Variants in ATP8A2 observed in about 807,000 individuals in gnomAD.
ATP8A2 encodes the protein phospholipid-transporting ATPase IB.
A neutral mutation model predicts 165.6 loss-of-function variants in ATP8A2; 100 were observed. That is an observed-to-expected ratio of 0.60 (90% CI 0.51 to 0.71). The LOEUF (loss-of-function observed/expected upper bound fraction) is 0.71, where lower values mean the gene tolerates loss of function less well. ATP8A2 is among the 30% of genes least tolerant of loss of function. The probability of loss-of-function intolerance (pLI) is 0.00; values close to 1 mark genes in which losing one functional copy is unlikely to be tolerated. For synonymous variants in ATP8A2, 543 were observed against 548.8 expected, an observed-to-expected ratio of 0.99 and a Z score of 0.15; for missense variants, 1,227 against 1,479.5, an observed-to-expected ratio of 0.83 and a Z score of 2.80.
At chr13:25,648,497 C>G (rs1009870987) in intron 24 of ATP8A2, among the ~76,000 whole-genome samples, 10 of 152,100 alleles carry the variant, frequency 6.6e-5, no homozygotes, top group Non-Finnish European at 1.5e-4. Context: ...AACCCTGTCT[C>G]TACTAAAAAT....
At chr13:25,730,826 AGCACTTT>A (rs1450739474) in intron 25 of ATP8A2, among the ~76,000 whole-genome samples, 2 of 152,080 alleles carry the variant, frequency 1.3e-5, no homozygotes, top group East Asian at 3.9e-4. Flanking sequence ...CTGTAATCCT[AGCACTTT>A]GGGAGGCCAA....
chr13:25,976,707 A>G (rs1216663335), intron 35 of ATP8A2, among the ~76,000 whole-genome samples: 1 of 152,088 alleles, frequency 6.6e-6, no homozygotes, highest in Non-Finnish European at 1.5e-5. Flanking sequence ...CCCTCCCCCC[A>G]AGAAATGCTG....
At position 26,022,892 on chromosome 13, in the gene ATP8A2, G is replaced by A. The variant is rs1277842846; in HGVS notation, c.*2907G>A. 6.6e-6 allele frequency: 1 copy of A among 152,202 alleles called. No individual in the cohort carries two copies. The highest frequency in any genetic ancestry group is 1.5e-5 in the Non-Finnish European group (1 of 68,066). 9.4% of individuals were successfully genotyped at this position (152,202 alleles called of 1,614,324 possible). The stretch of plus-strand genomic sequence containing the variant: ...GCCTGACTCTGGATTGAGCTAAACT[G>A]GCAGAATCCACTCAGGCCAACCCTT... On this transcript the variant is annotated 3_prime_UTR_variant, in exon 37 of 37. Coordinates refer to ENST00000381655, the MANE Select transcript of ATP8A2 (RefSeq NM_016529.6).
In ATP8A2 at chr13:25,406,142, G is replaced by A. The variant is rs372517977; in HGVS notation, c.76+33854G>A. On this transcript the variant is annotated intron_variant, in intron 1 of 36. Transcript: ENST00000381655. Reference sequence around the variant, plus strand: ...CCCCAAATTCTGAGGAAGCAGAGACGCTGAAGAAAGAGGTTGACATATACA... The same window carrying A: ...CCCCAAATTCTGAGGAAGCAGAGACACTGAAGAAAGAGGTTGACATATACA... 2.6e-4 allele frequency among the ~76,000 whole-genome samples: 39 copies of A among 152,320 alleles called. 3 individuals are homozygous for A. The South Asian group carries it at 5.8e-3, about 23-fold the overall frequency.
At chr13:25,779,628 A>G (rs562411716) in intron 27 of ATP8A2, among the ~76,000 whole-genome samples, 1 of 152,206 alleles carries the variant, frequency 6.6e-6, no homozygotes, top group South Asian at 2.1e-4. Context: ...GTGATTTAGG[A>G]AAATTTGTCT....
intron 28 of ATP8A2, among the ~76,000 whole-genome samples, chr13:25,829,204 C>T (rs1481191432): frequency 6.6e-6 from 1 of 152,154 alleles, no homozygotes; most frequent in Non-Finnish European, 1.5e-5. Flanking sequence ...CAGACACCTC[C>T]AAGGAGGACT....
At chr13:25,731,478 G>A (rs188972036) in intron 25 of ATP8A2, among the ~76,000 whole-genome samples, 5 of 152,210 alleles carry the variant, frequency 3.3e-5, no homozygotes, top group Admixed American at 2.0e-4. Context: ...TTGAACTCTC[G>A]TGCCTGCTAT....
chr13:25,403,889 G>C (rs2033717062), intron 1 of ATP8A2, among the ~76,000 whole-genome samples: 1 of 152,140 alleles, frequency 6.6e-6, no homozygotes, highest in Admixed American at 6.5e-5. Context: ...TTATCGGTTT[G>C]CTTTATTTAT....
At chr13:26,018,101 C>G (rs1957023084) in intron 36 of ATP8A2, among the ~76,000 whole-genome samples, 1 of 152,230 alleles carries the variant, frequency 6.6e-6, no homozygotes, top group Non-Finnish European at 1.5e-5. Context: ...CTCCTCCCTG[C>G]TGCTCAGCCC....
chr13:25,804,978 T>C (rs1203852308), intron 27 of ATP8A2, among the ~76,000 whole-genome samples: 3 of 152,190 alleles, frequency 2.0e-5, no homozygotes, highest in African/African-American at 7.2e-5. Context: ...AGGTCCAAAA[T>C]GTAACAGTTA....
At chr13:25,745,348 A>G (rs1486043283) in intron 25 of ATP8A2, among the ~76,000 whole-genome samples, 2 of 152,194 alleles carry the variant, frequency 1.3e-5, no homozygotes, top group Non-Finnish European at 2.9e-5. Context: ...GACAAGCCCC[A>G]TGCGTTATGC....
chr13:25,977,605 T>G (rs1055148976), intron 35 of ATP8A2, among the ~76,000 whole-genome samples: 2 of 152,230 alleles, frequency 1.3e-5, no homozygotes, highest in Non-Finnish European at 2.9e-5. Flanking sequence ...TCTCTGTTAT[T>G]TTAGGAATGT....
chr13:25,896,468 T>G (rs1593522227), intron 33 of ATP8A2, among the ~76,000 whole-genome samples: 1 of 152,242 alleles, frequency 6.6e-6, no homozygotes, highest in African/African-American at 2.4e-5. Context: ...TGGTCAATTT[T>G]GGAATAAGTG....
chr13:25,923,129 A>G (rs1220682072), intron 33 of ATP8A2, among the ~76,000 whole-genome samples: 1 of 152,212 alleles, frequency 6.6e-6, no homozygotes, highest in African/African-American at 2.4e-5. Flanking sequence ...ATTAAGAAAT[A>G]GTGGCCCTCC....
At chr13:25,639,484 T>G (rs2137556697) in intron 24 of ATP8A2, among the ~76,000 whole-genome samples, 1 of 152,096 alleles carries the variant, frequency 6.6e-6, no homozygotes. Flanking sequence ...TTTAAATCAA[T>G]GAAGATCGAA....
intron 2 of ATP8A2, among the ~76,000 whole-genome samples, chr13:25,524,935 C>CTTCCTTCCTTCCTTCT (rs1426893193): frequency 1.8e-5 from 2 of 110,982 alleles, no homozygotes; most frequent in African/African-American, 6.0e-5. Context: ...TCCTTCCTTC[C>CTTCCTTCCTTCCTTCT]TTCTTTCCTT....
At chr13:25,986,169 A>C (rs1431283505) in intron 35 of ATP8A2, among the ~76,000 whole-genome samples, 2 of 152,204 alleles carry the variant, frequency 1.3e-5, no homozygotes, top group African/African-American at 4.8e-5. Context: ...TGATTGCCAC[A>C]ATCAAGCTAA....
intron 25 of ATP8A2, among the ~76,000 whole-genome samples, chr13:25,721,885 A>G (rs2043389814): frequency 6.6e-6 from 1 of 152,232 alleles, no homozygotes; most frequent in East Asian, 1.9e-4. Flanking sequence ...ATTGTCTATG[A>G]TAAATAATGC....
chr13:25,535,238 G>C (rs1428253924), intron 6 of ATP8A2, among the ~76,000 whole-genome samples: 3 of 152,190 alleles, frequency 2.0e-5, no homozygotes, highest in African/African-American at 7.2e-5. Flanking sequence ...CTGTCCTTAA[G>C]GTCCCCAAAA....
Sources: gnomAD v4.1 joint callset for allele counts (sites outside exome capture counted in the v4.1 genomes callset) on GRCh38, gnomAD v4.1.1 for gene constraint, MANE v1.5 for transcripts, NCBI Gene and HGNC (gene_info 2026-07-23, HGNC 2026-07-21) for gene names.